The following FAM107B variants were observed in gnomAD, a reference collection of about 807,000 sequenced individuals.
FAM107B encodes the protein family with sequence similarity 107 member B, also known as protein FAM107B.
A neutral mutation model predicts 31.5 loss-of-function variants in FAM107B; 21 were observed. That is an observed-to-expected ratio of 0.67 (90% confidence interval 0.47 to 0.96). FAM107B has a LOEUF of 0.96. Ranked by LOEUF, FAM107B falls within the 40% of genes least tolerant of loss-of-function variation. FAM107B has a pLI of 0.00. For synonymous variants in FAM107B, 157 were observed against 141.5 expected (o/e 1.11, Z -0.78); for missense variants, 452 against 377.1 (o/e 1.20, Z -1.64).
intron 2 of FAM107B, among the ~76,000 whole-genome samples, chr10:14,560,217 CT>C (rs1003666936): frequency 6.6e-6 from 1 of 151,452 alleles, no homozygotes; most frequent in African/African-American, 2.4e-5. Context: ...TTTTTTTCAT[CT>C]TTTTTTTCTT....
At chr10:14,580,374 G>A (rs1851597544) in intron 2 of FAM107B, among the ~76,000 whole-genome samples, 1 of 150,606 alleles carries the variant, frequency 6.6e-6, no homozygotes, top group African/African-American at 2.4e-5. Context: ...AAAAAAGTAA[G>A]TAAGTCAAGG....
intron 1 of FAM107B, among the ~76,000 whole-genome samples, chr10:14,729,357 T>G (rs999357440): frequency 6.6e-6 from 1 of 152,148 alleles, no homozygotes; most frequent in South Asian, 2.1e-4. Flanking sequence ...AGAAAGGATA[T>G]GTAAGCTGCC....
At chr10:14,587,106 G>A (rs1444402974) in intron 2 of FAM107B, among the ~76,000 whole-genome samples, 1 of 152,082 alleles carries the variant, frequency 6.6e-6, no homozygotes, top group Non-Finnish European at 1.5e-5. Flanking sequence ...ACTGTGCCAG[G>A]TGCTTTTCCT....
rs142018496 is a variant in FAM107B, at chr10:14,571,264, C to T, written c.470-40749G>A. Reference sequence around the variant, plus strand: ...ATAACATAAGGGGTTCAAATTTCAACATATGCATTTTTGGGGGTGACACAC... The same window carrying T: ...ATAACATAAGGGGTTCAAATTTCAATATATGCATTTTTGGGGGTGACACAC... On this transcript the variant is annotated intron_variant, in intron 2 of 4. Transcript: ENST00000181796. Among the ~76,000 whole-genome samples, 668 of 152,246 alleles carry T rather than the reference C, an allele frequency of 4.4e-3. 1 individual carries two copies. Among genetic ancestry groups the T allele is most frequent in the African/African-American group, 0.014 (600 of 41,530 alleles).
chr10:14,746,941 G>T (rs892466865), intron 1 of FAM107B, among the ~76,000 whole-genome samples: 1 of 152,106 alleles, frequency 6.6e-6, no homozygotes, highest in African/African-American at 2.4e-5. Context: ...TCAGTCGTAG[G>T]TTTGGTCTTT....
chr10:14,594,511 A>C (rs948541217), intron 2 of FAM107B, among the ~76,000 whole-genome samples: 9 of 135,082 alleles, frequency 6.7e-5, no homozygotes, highest in African/African-American at 1.2e-4. Context: ...CAAAAAAAAA[A>C]AAAAAACAAA....
At chr10:14,554,117 T>C (rs1849496989) in intron 2 of FAM107B, 1 of 985,302 alleles carries the variant, frequency 1.0e-6, no homozygotes, top group African/African-American at 1.7e-5. Context: ...ATCACAGGCA[T>C]CTCAGATAAG....
At chr10:14,752,724 G>A (rs998574199) in intron 1 of FAM107B, among the ~76,000 whole-genome samples, 1 of 152,144 alleles carries the variant, frequency 6.6e-6, no homozygotes, top group African/African-American at 2.4e-5. Flanking sequence ...TGAGCCACAG[G>A]AGTTCAAGAC....
chr10:14,561,120 A>C (rs937868106), intron 2 of FAM107B, among the ~76,000 whole-genome samples: 1 of 152,216 alleles, frequency 6.6e-6, no homozygotes, highest in Non-Finnish European at 1.5e-5. Context: ...AGTCACCCAC[A>C]AGAGGGAATC....
At chr10:14,672,104 A>ATTTT (rs11377065) in intron 1 of FAM107B, among the ~76,000 whole-genome samples, 13 of 142,288 alleles carry the variant, frequency 9.1e-5, no homozygotes, top group African/African-American at 3.0e-4. Flanking sequence ...TTATTTATTT[A>ATTTT]TTTTTTTTTT....
chr10:14,589,177 A>G (rs1326194939), intron 2 of FAM107B, among the ~76,000 whole-genome samples: 1 of 151,856 alleles, frequency 6.6e-6, no homozygotes, highest in Non-Finnish European at 1.5e-5. Flanking sequence ...CTGTCTCAAA[A>G]AAAAAAAAAG....
intron 1 of FAM107B, among the ~76,000 whole-genome samples, chr10:14,683,268 A>G (rs1469456125): frequency 6.6e-6 from 1 of 152,192 alleles, no homozygotes; most frequent in African/African-American, 2.4e-5. Context: ...AGCTCTCCTT[A>G]GTGAAAGAAC....
chr10:14,600,063 G>T (rs1272370801), intron 2 of FAM107B, among the ~76,000 whole-genome samples: 1 of 152,002 alleles, frequency 6.6e-6, no homozygotes, highest in Admixed American at 6.6e-5. Flanking sequence ...CAGCTCATCT[G>T]AGTCCGAATA....
chr10:14,765,236 C>G, intron 1 of FAM107B, among the ~76,000 whole-genome samples: 1 of 152,216 alleles, frequency 6.6e-6, no homozygotes, highest in East Asian at 1.9e-4. Context: ...ATTCCCTCAT[C>G]TTTTATGTCT....
intron 2 of FAM107B, among the ~76,000 whole-genome samples, chr10:14,576,410 C>T (rs1370944214): frequency 6.6e-6 from 1 of 152,066 alleles, no homozygotes; most frequent in Non-Finnish European, 1.5e-5. Flanking sequence ...ACCTGTCATC[C>T]CAGCTATTCA....
chr10:14,763,818 A>G (rs555985079), intron 1 of FAM107B, among the ~76,000 whole-genome samples: 38 of 152,376 alleles, frequency 2.5e-4, no homozygotes, highest in African/African-American at 8.4e-4. Context: ...GAGAGGAATT[A>G]TTACTGTTTA....
At chr10:14,766,776 C>T (rs1833170507) in intron 1 of FAM107B, among the ~76,000 whole-genome samples, 1 of 151,006 alleles carries the variant, frequency 6.6e-6, no homozygotes, top group Non-Finnish European at 1.5e-5. Context: ...TCTGAATAGA[C>T]CTATAACTGG....
chr10:14,729,833 A>G (rs926535144), intron 1 of FAM107B, among the ~76,000 whole-genome samples: 2 of 152,230 alleles, frequency 1.3e-5, no homozygotes, highest in African/African-American at 4.8e-5. Flanking sequence ...TGTGGCACAT[A>G]TACACCATGA....
intron 2 of FAM107B, among the ~76,000 whole-genome samples, chr10:14,551,422 G>A (rs772789611): frequency 1.3e-5 from 2 of 152,146 alleles, no homozygotes; most frequent in Non-Finnish European, 2.9e-5. Flanking sequence ...TGGGATTACA[G>A]GTGTGCGCCA....
Sources: allele counts gnomAD v4.1 joint callset (sites outside exome capture counted in the v4.1 genomes callset), GRCh38; gene constraint gnomAD v4.1.1; transcripts MANE v1.5; gene names NCBI Gene and HGNC (gene_info 2026-07-23, HGNC 2026-07-21).